The following DPYSL5 variants were observed in gnomAD, a reference collection of about 807,000 sequenced individuals.
DPYSL5 encodes the protein dihydropyrimidinase-related protein 5.
DPYSL5 carries 9 observed loss-of-function variants against 58.4 expected under a neutral mutation model. That is an observed-to-expected ratio of 0.15 (90% CI 0.09 to 0.27). DPYSL5 has a LOEUF of 0.27. DPYSL5 is among the 10% of genes least tolerant of loss of function. The pLI, the probability that DPYSL5 is intolerant of heterozygous loss-of-function variation, is 1.00. For missense variants in DPYSL5, 499 were observed against 770.6 expected (o/e 0.65, Z 4.17); for synonymous variants, 293 against 301.9 (o/e 0.97, Z 0.31).
intron 1 of DPYSL5, among the ~76,000 whole-genome samples, chr2:26,883,108 C>T (rs1663616387): frequency 6.6e-6 from 1 of 151,918 alleles, no homozygotes; most frequent in Admixed American, 6.6e-5. Flanking sequence ...GAGATATATA[C>T]AGAAACATGC....
At chr2:26,910,619 T>C (rs529300597) in intron 2 of DPYSL5, among the ~76,000 whole-genome samples, 343 of 145,774 alleles carry the variant, frequency 2.4e-3, no homozygotes, top group African/African-American at 7.9e-3. Flanking sequence ...TCTTCTTCTT[T>C]TTTTTTTTTT....
intron 1 of DPYSL5, among the ~76,000 whole-genome samples, chr2:26,867,197 T>C (rs1666165685): frequency 6.6e-6 from 1 of 152,180 alleles, no homozygotes; most frequent in Non-Finnish European, 1.5e-5. Flanking sequence ...TCCTTGTTCA[T>C]CTTAACTAAA....
At chr2:26,931,165 A>ATGTGTGTG (rs1272980596) in intron 5 of DPYSL5, among the ~76,000 whole-genome samples, 2 of 50,378 alleles carry the variant, frequency 4.0e-5, no homozygotes, top group Non-Finnish European at 8.5e-5. Context: ...ATATATATAT[A>ATGTGTGTG]TATATGTGTG....
At chr2:26,896,670 A>G (rs1664029497) in intron 1 of DPYSL5, among the ~76,000 whole-genome samples, 9 of 152,284 alleles carry the variant, frequency 5.9e-5, no homozygotes, top group Admixed American at 5.9e-4. Flanking sequence ...TCTATTGGCC[A>G]TTTGTATGTC....
intron 5 of DPYSL5, 60 bp from the exon 6 acceptor site, chr2:26,931,580 G>A (rs1221910248): frequency 4.4e-6 from 7 of 1,604,736 alleles, no homozygotes; most frequent in Non-Finnish European, 6.0e-6. Context: ...AGAGTATGGT[G>A]TGGGTATCCT....
chr2:26,891,633 C>T (rs1010584254), intron 1 of DPYSL5, among the ~76,000 whole-genome samples: 5 of 151,988 alleles, frequency 3.3e-5, no homozygotes, highest in Non-Finnish European at 4.4e-5. Context: ...TGAAGGGTCA[C>T]GTTGGATTCC....
At position 26,944,833 on chromosome 2, in the gene DPYSL5, CA is replaced by C. The variant is rs1665425995; in HGVS notation, c.1609+10del. On this transcript the variant is annotated intron_variant, in intron 12 of 12. Coordinates refer to ENST00000288699, the MANE Select transcript of DPYSL5 (RefSeq NM_020134.4). The surrounding 1 kb of genome is among the most constrained non-coding windows in gnomAD (Gnocchi z 4.4). Reference sequence around the variant, plus strand: ...CAGCTTCAGCCTCTCTGGTAAGAGTCAGGGGGCCACGGGAGGAGGATGGGGG... The same window carrying C: ...CAGCTTCAGCCTCTCTGGTAAGAGTCGGGGGCCACGGGAGGAGGATGGGGG... 2.5e-6 allele frequency: 4 copies of C among 1,613,248 alleles called. No individual in the cohort carries two copies. Among genetic ancestry groups the C allele is most frequent in the South Asian group, 1.1e-5 (1 of 91,000 alleles).
At chr2:26,904,335 C>T (rs554060287) in intron 2 of DPYSL5, among the ~76,000 whole-genome samples, 11 of 152,302 alleles carry the variant, frequency 7.2e-5, no homozygotes, top group East Asian at 1.9e-4. Context: ...CTTCAAAATG[C>T]GCTCTCGTGG....
chr2:26,859,847 G>C (rs1021123205), intron 1 of DPYSL5, among the ~76,000 whole-genome samples: 1 of 152,186 alleles, frequency 6.6e-6, no homozygotes, highest in African/African-American at 2.4e-5. Flanking sequence ...GAGGTTTACT[G>C]TCTGATAACT....
At chr2:26,895,527 G>A (rs1663988367) in intron 1 of DPYSL5, among the ~76,000 whole-genome samples, 2 of 152,084 alleles carry the variant, frequency 1.3e-5, no homozygotes, top group African/African-American at 4.8e-5. Context: ...ATTGTGGAAT[G>A]ACTAAATCCA....
chr2:26,927,171 C>G lies in DPYSL5; in HGVS notation c.421-82C>G. On this transcript the variant is annotated intron_variant, in intron 3 of 12. Transcript: ENST00000288699. The surrounding 1 kb of genome is among the most constrained non-coding windows in gnomAD (Gnocchi z 4.3). ...CTGAGCTGGGGCAGGCCCCACATCT[C>G]CCCCATGCTGGGCCGGTGCCTGCCA... is the stretch of plus-strand genomic sequence containing the variant. 1.4e-6 allele frequency: 2 copies of G among 1,420,432 alleles called. No individual in the cohort carries two copies. The highest frequency in any genetic ancestry group is 1.4e-5 in the South Asian group (1 of 73,724). 88.0% of individuals were successfully genotyped at this position (1,420,432 alleles called of 1,614,324 possible).
rs1289031401 is a variant in DPYSL5, at chr2:26,942,237, C to G, written c.1232+145C>G. On this transcript the variant is annotated intron_variant, in intron 10 of 12. Transcript: ENST00000288699. This position sits in a 1 kb window ranked among gnomAD's most constrained non-coding sequence, Gnocchi z 5.9. ...CCTACCGTTGGCCATCTTCTCCCTC[C>G]ATCTTCACACAGTCTTTCTTCCGTG... 7.5e-6 allele frequency: 9 copies of G among 1,197,372 alleles called. No homozygotes were observed. Among genetic ancestry groups the G allele is most frequent in the Non-Finnish European group, 1.0e-5 (9 of 859,108 alleles). The allele number at this position is 1,197,372 out of a possible 1,614,324, so 74.2% of individuals were successfully genotyped here.
chr2:26,890,347 C>T (rs556240), intron 1 of DPYSL5, among the ~76,000 whole-genome samples: 152,369 of 152,370 alleles, frequency 1, 76,184 homozygotes, highest in Non-Finnish European at 1. Flanking sequence ...ACACAAATGT[C>T]CTAAACTTTT....
intron 1 of DPYSL5, among the ~76,000 whole-genome samples, chr2:26,878,408 A>G (rs2148122290): frequency 6.6e-6 from 1 of 152,208 alleles, no homozygotes; most frequent in Admixed American, 6.5e-5. Flanking sequence ...TGGTTATATG[A>G]TACACACCTG....
intron 5 of DPYSL5, 131 bp from the exon 6 acceptor site, chr2:26,931,509 T>C: frequency 4.2e-6 from 4 of 946,980 alleles, no homozygotes; most frequent in Admixed American, 4.4e-5. Flanking sequence ...TGGAGGTTAG[T>C]GCCTCTGCCC....
At chr2:26,899,820 C>A (rs151020430) in intron 2 of DPYSL5, among the ~76,000 whole-genome samples, 2 of 152,218 alleles carry the variant, frequency 1.3e-5, no homozygotes, top group Non-Finnish European at 2.9e-5. Context: ...CACCTGCTCA[C>A]TCTAGCCAAG....
In DPYSL5 at chr2:26,924,777, TTGTGAGGCAGGGCC is replaced by T; in HGVS notation, c.262-106_262-93del. On this transcript the variant is annotated intron_variant, in intron 2 of 12. Transcript: ENST00000288699. This position sits in a 1 kb window ranked among gnomAD's most constrained non-coding sequence, Gnocchi z 4.7. ...CGCTGCCCTTGGTCCTCACAGCCTC[TTGTGAGGCAGGGCC>T]TGTCTTTGAATGGACCATGAGGACC... 7.0e-7 allele frequency: 1 copy of T among 1,420,636 alleles called. No homozygotes were observed. The highest frequency in any genetic ancestry group is 9.4e-7 in the Non-Finnish European group (1 of 1,066,758). 88.0% of individuals were successfully genotyped at this position (1,420,636 alleles called of 1,614,324 possible).
chr2:26,881,087 T>G (rs484788), intron 1 of DPYSL5, among the ~76,000 whole-genome samples: 1,980 of 152,278 alleles, frequency 0.013, 48 homozygotes, highest in African/African-American at 0.045. Flanking sequence ...ACTTGACAGC[T>G]GGGAAAACGG....
In DPYSL5 at chr2:26,898,595, T is replaced by A; in HGVS notation, c.96T>A (p.Asn32Lys). 6.2e-7 allele frequency: 1 copy of A among 1,614,070 alleles called. No homozygotes were observed. The highest frequency in any genetic ancestry group is 8.5e-7 in the Non-Finnish European group (1 of 1,180,012). ...ACGAGGCTGACGTCTACATCGAGAA[T>A]GGCATCATCCAGCAGGTGGGCCGCG... is the stretch of plus-strand genomic sequence containing the variant. ...CTHEADVYIE[N>K]GIIQQVGREL... is the part of the protein sequence containing the mutation. Residue 32 changes from asparagine (N) to lysine (K), a missense_variant, in exon 2 of 13, where the codon AAT (asparagine) becomes AAA (lysine). Coordinates refer to ENST00000288699, the MANE Select transcript of DPYSL5 (RefSeq NM_020134.4). This position sits in a 1 kb window ranked among gnomAD's most constrained non-coding sequence, Gnocchi z 6.1.
Sources: gnomAD v4.1 joint callset for allele counts (sites outside exome capture counted in the v4.1 genomes callset) on GRCh38, gnomAD v4.1.1 for gene constraint, Gnocchi (gnomAD v3.1) non-coding constraint, MANE v1.5 for transcripts, NCBI Gene and HGNC (gene_info 2026-07-23, HGNC 2026-07-21) for gene names.